The following ATP2B2 variants were observed in gnomAD, a reference collection of about 807,000 sequenced individuals.
ATP2B2 encodes plasma membrane calcium-transporting ATPase 2.
In ATP2B2, 15 loss-of-function variants were observed where a neutral mutation model predicts 120.0. The observed-to-expected ratio is 0.12, with a 90% CI of 0.08 to 0.19. The LOEUF is 0.19. ATP2B2 is among the 10% of genes least tolerant of loss of function. The pLI, the probability that ATP2B2 is intolerant of heterozygous loss-of-function variation, is 1.00. For missense variants in ATP2B2, 1,045 were observed against 1,719.8 expected, an observed-to-expected ratio of 0.61 and a Z score of 6.94; for synonymous variants, 694 against 700.3, an observed-to-expected ratio of 0.99 and a Z score of 0.14.
At chr3:10,365,589 AGT>A (rs149337630) in intron 12 of ATP2B2, among the ~76,000 whole-genome samples, 13,109 of 148,376 alleles carry the variant, frequency 0.088, 775 homozygotes, top group East Asian at 0.33. Context: ...ACCAGTGCAG[AGT>A]GTGTGTGTGT....
At position 10,606,202 on chromosome 3, in the gene ATP2B2, C is replaced by T. The variant is rs150081949; in HGVS notation, c.-415+13715G>A. Reference sequence around the variant, plus strand: ...AGGAGTTCAGTGTTCAATCTGGGCTCTGCCGCTTGTGATCTGCATGAGACC... The same window carrying T: ...AGGAGTTCAGTGTTCAATCTGGGCTTTGCCGCTTGTGATCTGCATGAGACC... On this transcript the variant is annotated intron_variant, in intron 2 of 21. Coordinates refer to the ATP2B2 transcript ENST00000646379. 1.4e-4 allele frequency among the ~76,000 whole-genome samples: 22 copies of T among 152,308 alleles called. No individual in the cohort carries two copies. In the East Asian group the frequency reaches 4.0e-3, roughly 28 times the overall value.
Position 10,412,416 on chromosome 3 carries a change from G to A in ATP2B2, c.200-1601C>T, listed in dbSNP as rs1401133544. Among the ~76,000 whole-genome samples, 5 of 152,118 alleles carry A rather than the reference G, an allele frequency of 3.3e-5. No homozygotes were observed. In the East Asian group the frequency reaches 9.6e-4, roughly 29 times the overall value. ...GAGGCCGGTGCTTCTCCTTGCTTCA[G>A]CCTTCCTTTCAAGCTGCCCCATGTC... is the stretch of plus-strand genomic sequence containing the variant. On this transcript the variant is annotated intron_variant, in intron 2 of 22. Coordinates refer to ENST00000360273, the MANE Select transcript of ATP2B2 (RefSeq NM_001001331.4).
intron 1 of ATP2B2, among the ~76,000 whole-genome samples, chr3:10,486,149 C>T (rs374790095): frequency 3.3e-5 from 5 of 152,124 alleles, no homozygotes; most frequent in South Asian, 2.1e-4. Context: ...TGTGGGTGCC[C>T]GCTCATCGAG....
At chr3:10,604,925 G>A (rs541120617) in intron 2 of ATP2B2, among the ~76,000 whole-genome samples, 1 of 152,298 alleles carries the variant, frequency 6.6e-6, no homozygotes. Context: ...GCATTCAACT[G>A]TTCTTGTTCT....
In ATP2B2 at chr3:10,343,648, C is replaced by T. The variant is rs1574961672; in HGVS notation, c.2704-683G>A. Among the ~76,000 whole-genome samples, 1 of 151,988 alleles carries T rather than the reference C, an allele frequency of 6.6e-6. No individual in the cohort carries two copies. The highest frequency in any genetic ancestry group is 1.5e-5 in the Non-Finnish European group (1 of 67,992). ...TCTTCTGTCCCCATCCTTCCTCACACCCCCACGTATCTTGTCCACAGCAGC... is the reference window on the plus strand; with the variant it reads ...TCTTCTGTCCCCATCCTTCCTCACATCCCCACGTATCTTGTCCACAGCAGC... On this transcript the variant is annotated intron_variant, in intron 18 of 22. Transcript: ENST00000360273. This position sits in a 1 kb window ranked among gnomAD's most constrained non-coding sequence, Gnocchi z 4.2.
intron 2 of ATP2B2, among the ~76,000 whole-genome samples, chr3:10,557,238 C>T (rs571439040): frequency 1.3e-5 from 2 of 152,340 alleles, no homozygotes; most frequent in South Asian, 4.1e-4. Flanking sequence ...CCAGAAATGT[C>T]ACCCACTGAG....
intron 2 of ATP2B2, among the ~76,000 whole-genome samples, chr3:10,554,614 A>T (rs1381167678): frequency 1.3e-5 from 2 of 152,236 alleles, no homozygotes. Flanking sequence ...CCTCGATTTC[A>T]GCCCGGTAGA....
At chr3:10,621,404 G>A (rs1034234692) in intron 1 of ATP2B2, among the ~76,000 whole-genome samples, 75 of 152,192 alleles carry the variant, frequency 4.9e-4, no homozygotes, top group Non-Finnish European at 8.7e-4. Flanking sequence ...GGAAAAACAC[G>A]AGCCCGACAA....
intron 1 of ATP2B2, among the ~76,000 whole-genome samples, chr3:10,689,969 T>C (rs2071618484): frequency 6.6e-6 from 1 of 151,764 alleles, no homozygotes; most frequent in Non-Finnish European, 1.5e-5. Context: ...CTACAGAGAG[T>C]CCAGAACCAA....
chr3:10,579,652 A>T (rs1314073250), intron 2 of ATP2B2, among the ~76,000 whole-genome samples: 1 of 152,182 alleles, frequency 6.6e-6, no homozygotes, highest in Non-Finnish European at 1.5e-5. Context: ...CTACTAAAAA[A>T]TACAAAAATT....
At chr3:10,394,422 T>C (rs572273270) in intron 5 of ATP2B2, 4 of 470,382 alleles carry the variant, frequency 8.5e-6, no homozygotes, top group South Asian at 6.2e-5. Context: ...CCCACCACTT[T>C]CTGGCTCAGA....
chr3:10,650,077 G>A (rs1364632751), intron 1 of ATP2B2, among the ~76,000 whole-genome samples: 1 of 152,232 alleles, frequency 6.6e-6, no homozygotes, highest in African/African-American at 2.4e-5. Context: ...AAGCGACTTT[G>A]GAATTGGGTA....
chr3:10,613,540 A>G (rs746914858), intron 2 of ATP2B2, among the ~76,000 whole-genome samples: 3 of 152,020 alleles, frequency 2.0e-5, no homozygotes, highest in Non-Finnish European at 2.9e-5. Context: ...ATAAAACACC[A>G]TTGGTGTCAA....
chr3:10,340,247 C>T lies in ATP2B2; in HGVS notation c.3232G>A (p.Gly1078Ser). 6.2e-7 allele frequency: 1 copy of T among 1,614,070 alleles called. No individual in the cohort carries two copies. The highest frequency in any genetic ancestry group is 2.2e-5 in the East Asian group (1 of 44,886). ...IFIGLGELVW[G>S]QVIATIPTSR... ...GCGACCTACCAGGAACTTACCTGGC[C>T]CCAAACGAGCTCTCCTAACCCAATG... Residue 1078 changes from glycine (G) to serine (S), a missense_variant, in exon 21 of 23, where the codon GGC (glycine) becomes AGC (serine). Physicochemically the swap from Gly to Ser is moderately conservative, Grantham distance 56. Transcript: ENST00000360273. The surrounding 1 kb of genome is among the most constrained non-coding windows in gnomAD (Gnocchi z 5.0).
chr3:10,425,180 C>T (rs1037227234), intron 2 of ATP2B2, among the ~76,000 whole-genome samples: 49 of 151,772 alleles, frequency 3.2e-4, no homozygotes, highest in East Asian at 2.3e-3. Context: ...CGTGGTTGTG[C>T]ACGCCTATAG....
intron 3 of ATP2B2, among the ~76,000 whole-genome samples, chr3:10,409,100 AG>A (rs1343943772): frequency 6.6e-6 from 1 of 152,266 alleles, no homozygotes; most frequent in Non-Finnish European, 1.5e-5. Flanking sequence ...CTATAAAAAT[AG>A]TAAGAAGTAT....
chr3:10,595,325 A>G (rs1011433532), intron 2 of ATP2B2, among the ~76,000 whole-genome samples: 6 of 152,210 alleles, frequency 3.9e-5, no homozygotes, highest in African/African-American at 1.4e-4. Flanking sequence ...CTTCTTAGAT[A>G]TTCCAGTGGG....
chr3:10,338,454 C>T (rs2060187667), intron 21 of ATP2B2, 96 bp from the exon 22 acceptor site: 5 of 1,332,206 alleles, frequency 3.8e-6, no homozygotes. Flanking sequence ...CTCCTACCCG[C>T]TCACCCAGGC....
Position 10,343,402 on chromosome 3 carries a change from C to T in ATP2B2, c.2704-437G>A, listed in dbSNP as rs2060339353. On this transcript the variant is annotated intron_variant, in intron 18 of 22. Transcript: ENST00000360273. The surrounding 1 kb of genome is among the most constrained non-coding windows in gnomAD (Gnocchi z 4.2). The stretch of plus-strand genomic sequence containing the variant: ...TCCTACAAACAGTGCCCGTCCCCCA[C>T]CCCCCCAATGTCTCCTCCCCTCTTA... Among the ~76,000 whole-genome samples, 1 of 150,970 alleles carries T rather than the reference C, an allele frequency of 6.6e-6. No individual in the cohort carries two copies. Among genetic ancestry groups the T allele is most frequent in the African/African-American group, 2.4e-5 (1 of 40,996 alleles).
Sources: allele counts gnomAD v4.1 joint callset (sites outside exome capture counted in the v4.1 genomes callset), GRCh38; gene constraint gnomAD v4.1.1; non-coding constraint Gnocchi (gnomAD v3.1); transcripts MANE v1.5; gene names NCBI Gene and HGNC (gene_info 2026-07-23, HGNC 2026-07-21).